The following DDR2 variants were observed in gnomAD, a reference collection of about 807,000 sequenced individuals.
DDR2 encodes discoidin domain receptor tyrosine kinase 2.
In DDR2, 27 loss-of-function variants were observed where a neutral mutation model predicts 94.9. The observed-to-expected ratio is 0.28, with a 90% confidence interval of 0.21 to 0.39. DDR2 has a LOEUF of 0.39. DDR2 is among the 10% of genes least tolerant of loss of function. DDR2 has a pLI of 1.00. For missense variants in DDR2, 783 were observed against 1,076.0 expected (o/e 0.73, Z 3.81); for synonymous variants, 382 against 377.2 (o/e 1.01, Z -0.15).
intron 17 of DDR2, among the ~76,000 whole-genome samples, chr1:162,779,637 C>T (rs1198982670): frequency 6.6e-6 from 1 of 152,106 alleles, no homozygotes; most frequent in East Asian, 1.9e-4. Context: ...AGCAGGGAGT[C>T]TAAATTAGCT....
In DDR2 at chr1:162,755,207, C is replaced by A. The variant is rs1571295864; in HGVS notation, c.469C>A (p.Pro157Thr). 1 of 1,614,092 alleles carries A rather than the reference C, an allele frequency of 6.2e-7. No homozygotes were observed. The highest frequency in any genetic ancestry group is 2.2e-5 in the East Asian group (1 of 44,868). Residue 157 changes from proline to threonine, a missense_variant, in exon 6 of 18, where the codon CCG becomes ACG. Pro to Thr is a conservative substitution (Grantham distance 38). Coordinates refer to ENST00000367921, the MANE Select transcript of DDR2 (RefSeq NM_006182.4). ...PYDIFLKDLEPPIVARFVRFI... is the reference protein window; with the variant it reads ...PYDIFLKDLETPIVARFVRFI... The stretch of plus-strand genomic sequence containing the variant: ...TGACATTTTCCTAAAGGACTTGGAG[C>A]CGCCCATTGTAGCCAGATTTGTCCG...
chr1:162,670,334 C>CT (rs1389502041), intron 2 of DDR2, among the ~76,000 whole-genome samples: 1 of 152,218 alleles, frequency 6.6e-6, no homozygotes, highest in African/African-American at 2.4e-5. Context: ...TCTGGAACTC[C>CT]TGACCTCGTG....
At chr1:162,758,028 GA>G (rs1349105269) in intron 7 of DDR2, among the ~76,000 whole-genome samples, 1 of 152,130 alleles carries the variant, frequency 6.6e-6, no homozygotes, top group Non-Finnish European at 1.5e-5. Context: ...ATAATTTATG[GA>G]AAAGGGAAAC....
intron 2 of DDR2, among the ~76,000 whole-genome samples, chr1:162,698,968 T>C (rs1297892370): frequency 1.3e-5 from 2 of 152,198 alleles, no homozygotes; most frequent in East Asian, 3.9e-4. Flanking sequence ...ACTCATATAG[T>C]GTGGAGCTTT....
intron 2 of DDR2, among the ~76,000 whole-genome samples, chr1:162,690,311 C>T (rs1659908366): frequency 6.6e-6 from 1 of 152,224 alleles, no homozygotes; most frequent in Admixed American, 6.5e-5. Context: ...CTCCAGAGTC[C>T]ATGTTCTTAA....
At chr1:162,637,718 T>A (rs566102340) in intron 1 of DDR2, among the ~76,000 whole-genome samples, 48 of 152,350 alleles carry the variant, frequency 3.2e-4, no homozygotes, top group African/African-American at 1.1e-3. Flanking sequence ...GTGCACTTAG[T>A]GCATGCCTTA....
At chr1:162,776,029 A>C (rs1647530725) in intron 15 of DDR2, 107 bp from the exon 16 acceptor site, 2 of 1,318,956 alleles carry the variant, frequency 1.5e-6, no homozygotes, top group Non-Finnish European at 2.2e-6. Context: ...GTAGAGAAAG[A>C]ATGTTGAGCT....
At position 162,770,678 on chromosome 1, in the gene DDR2, A is replaced by ATT. The variant is rs1196538262; in HGVS notation, c.1504+166_1504+167insTT. ...TTTGGTCTGCCGCTGCTCCTGGCCTAATTTGAGCAACTCTCCTTTGCTACT... is the reference window on the plus strand; with the variant it reads ...TTTGGTCTGCCGCTGCTCCTGGCCTATTATTTGAGCAACTCTCCTTTGCTACT... On this transcript the variant is annotated intron_variant, in intron 12 of 17. Transcript: ENST00000367921. The ATT allele has an allele frequency of 3.9e-6, 3 of 763,502 alleles. No individual in the cohort carries two copies. The Admixed American group carries it at 6.0e-5, about 15-fold the overall frequency. 47.3% of individuals were successfully genotyped at this position (763,502 alleles called of 1,614,324 possible). A position where few individuals can be genotyped will look rare whatever the true frequency, so the allele number is the denominator to read the frequency against.
chr1:162,722,906 C>G (rs1216649615), intron 3 of DDR2, among the ~76,000 whole-genome samples: 9 of 152,196 alleles, frequency 5.9e-5, no homozygotes, highest in Non-Finnish European at 1.5e-5. Flanking sequence ...CCTGAAGTTG[C>G]ATGGCTGTTT....
In DDR2 at chr1:162,770,258, C is replaced by G. The variant is rs764624367; in HGVS notation, c.1294-44C>G. ...TTTAAGAAGAGGAGGCATTGACCAT[C>G]TCTTTTGTGCCAACATGCCTTTCTC... On this transcript the variant is annotated intron_variant, in intron 11 of 17. Transcript: ENST00000367921. The G allele has an allele frequency of 1.9e-6, 3 of 1,590,360 alleles. No homozygotes were observed. In the Admixed American group the frequency reaches 5.0e-5, roughly 27 times the overall value.
At chr1:162,674,996 G>T (rs995870776) in intron 2 of DDR2, among the ~76,000 whole-genome samples, 7 of 151,484 alleles carry the variant, frequency 4.6e-5, no homozygotes, top group African/African-American at 1.7e-4. Flanking sequence ...TCTACTAAAA[G>T]TACAAAAAAA....
chr1:162,694,744 A>C lies in DDR2; in HGVS notation c.-27-24293A>C, dbSNP rs367767853. On this transcript the variant is annotated intron_variant, in intron 2 of 17. Transcript: ENST00000367921. ...GAGCTACATTTCTGTGATATGTCAA[A>C]AATCTAGAAGTATTTTTATTAGTAA... 5.9e-5 allele frequency among the ~76,000 whole-genome samples: 9 copies of C among 152,340 alleles called. No homozygotes were observed. The East Asian group carries it at 1.3e-3, about 23-fold the overall frequency.
intron 2 of DDR2, among the ~76,000 whole-genome samples, chr1:162,665,593 G>A (rs1295109275): frequency 1.3e-5 from 2 of 149,942 alleles, no homozygotes; most frequent in African/African-American, 4.9e-5. Flanking sequence ...ACTCATACAG[G>A]CTGCCTTTTA....
chr1:162,736,662 T>G (rs916914663), intron 3 of DDR2, among the ~76,000 whole-genome samples: 1 of 152,238 alleles, frequency 6.6e-6, no homozygotes, highest in African/African-American at 2.4e-5. Context: ...TTACTTTATG[T>G]GCCTCTAAGA....
chr1:162,670,687 G>A (rs182306948), intron 2 of DDR2, among the ~76,000 whole-genome samples: 18 of 152,230 alleles, frequency 1.2e-4, no homozygotes, highest in Non-Finnish European at 1.3e-4. Context: ...CTTTGGATAC[G>A]ATTGACTGAA....
intron 2 of DDR2, among the ~76,000 whole-genome samples, chr1:162,710,516 G>A (rs1349255412): frequency 1.3e-5 from 2 of 152,158 alleles, no homozygotes; most frequent in Non-Finnish European, 2.9e-5. Flanking sequence ...ATGTGTTTGA[G>A]GGCCCATCTC....
chr1:162,751,017 A>C (rs1301517590), intron 3 of DDR2, among the ~76,000 whole-genome samples: 1 of 152,266 alleles, frequency 6.6e-6, no homozygotes, highest in African/African-American at 2.4e-5. Flanking sequence ...AAAGACTTAA[A>C]TGTTAGACCC....
intron 2 of DDR2, among the ~76,000 whole-genome samples, chr1:162,656,679 A>G (rs556039659): frequency 1.9e-4 from 29 of 151,990 alleles, no homozygotes; most frequent in Middle Eastern, 3.4e-3. Context: ...TATATTTTAG[A>G]ATGAATAATT....
chr1:162,693,146 A>T (rs1024961997), intron 2 of DDR2, among the ~76,000 whole-genome samples: 3 of 152,220 alleles, frequency 2.0e-5, no homozygotes, highest in African/African-American at 7.2e-5. Flanking sequence ...ACATCAGTTT[A>T]CCTGATACCT....
Sources: allele counts gnomAD v4.1 joint callset (sites outside exome capture counted in the v4.1 genomes callset), GRCh38; gene constraint gnomAD v4.1.1; transcripts MANE v1.5; gene names NCBI Gene and HGNC (gene_info 2026-07-23, HGNC 2026-07-21).